The following TAFA1 variants were observed in gnomAD, a reference collection of about 807,000 sequenced individuals.
TAFA1 encodes the protein chemokine-like protein TAFA-1.
TAFA1 carries 4 observed loss-of-function variants against 18.5 expected under a neutral mutation model. The observed-to-expected ratio is 0.22, with a 90% CI of 0.11 to 0.49. The LOEUF (loss-of-function observed/expected upper bound fraction) is 0.49. Ranked by LOEUF, TAFA1 falls within the 20% of genes least tolerant of loss-of-function variation. The probability of loss-of-function intolerance (pLI) is 0.98; values close to 1 mark genes in which losing one functional copy is unlikely to be tolerated. For missense variants in TAFA1, 147 were observed against 169.0 expected (o/e 0.87, Z 0.72); for synonymous variants, 56 against 55.2 (o/e 1.01, Z -0.06).
intron 2 of TAFA1, among the ~76,000 whole-genome samples, chr3:68,155,720 C>T (rs192787101): frequency 8.5e-5 from 13 of 152,168 alleles, no homozygotes; most frequent in African/African-American, 2.4e-4. Context: ...TCACATGATA[C>T]GTGAAGATTG....
At chr3:68,517,849 A>G (rs1000181681) in intron 3 of TAFA1, among the ~76,000 whole-genome samples, 1 of 152,124 alleles carries the variant, frequency 6.6e-6, no homozygotes, top group Non-Finnish European at 1.5e-5. Flanking sequence ...TAGTTAATTA[A>G]GACTGTGGAC....
chr3:68,141,156 G>A (rs948372724), intron 2 of TAFA1, among the ~76,000 whole-genome samples: 4 of 152,080 alleles, frequency 2.6e-5, no homozygotes, highest in East Asian at 1.9e-4. Context: ...ATAACCAAAC[G>A]GGTGCCACGG....
At chr3:68,032,653 C>G (rs150395188) in intron 2 of TAFA1, among the ~76,000 whole-genome samples, 1 of 152,210 alleles carries the variant, frequency 6.6e-6, no homozygotes, top group Non-Finnish European at 1.5e-5. Flanking sequence ...ACTTCCCTTC[C>G]CACTCCTCCT....
intron 2 of TAFA1, among the ~76,000 whole-genome samples, chr3:68,281,326 G>C (rs932986043): frequency 5.9e-5 from 9 of 151,888 alleles, no homozygotes; most frequent in African/African-American, 1.9e-4. Context: ...TGTTTTTTTT[G>C]AGATTATCTT....
intron 2 of TAFA1, among the ~76,000 whole-genome samples, chr3:68,080,751 T>C (rs2064887458): frequency 6.6e-6 from 1 of 152,294 alleles, no homozygotes; most frequent in South Asian, 2.1e-4. Flanking sequence ...TAACATTTTT[T>C]CCTTCATTTC....
intron 2 of TAFA1, among the ~76,000 whole-genome samples, chr3:68,252,792 C>A (rs1469729372): frequency 6.6e-6 from 1 of 152,180 alleles, no homozygotes; most frequent in Non-Finnish European, 1.5e-5. Flanking sequence ...CCACCCAAAT[C>A]TCACTTTGAA....
intron 2 of TAFA1, among the ~76,000 whole-genome samples, chr3:68,398,197 A>G (rs1307546088): frequency 6.6e-6 from 1 of 152,224 alleles, no homozygotes; most frequent in Non-Finnish European, 1.5e-5. Flanking sequence ...TAACCAAAAC[A>G]GCATGGTACT....
chr3:68,396,804 C>T (rs1333621320), intron 2 of TAFA1, among the ~76,000 whole-genome samples: 1 of 152,174 alleles, frequency 6.6e-6, no homozygotes, highest in Admixed American at 6.5e-5. Context: ...TATTAAAATG[C>T]TGCTTTCATC....
intron 2 of TAFA1, among the ~76,000 whole-genome samples, chr3:68,210,216 A>G (rs2066579036): frequency 6.6e-6 from 1 of 152,054 alleles, no homozygotes; most frequent in South Asian, 2.1e-4. Context: ...CTAACTTATA[A>G]GGCTTCATCA....
chr3:68,003,425 G>A (rs752835185), upstream of TAFA1, among the ~76,000 whole-genome samples: 1 of 152,166 alleles, frequency 6.6e-6, no homozygotes, highest in South Asian at 2.1e-4. Flanking sequence ...ATCTATAACA[G>A]TGGGGATCTC....
intron 2 of TAFA1, among the ~76,000 whole-genome samples, chr3:68,190,615 G>A (rs2107011743): frequency 6.6e-6 from 1 of 151,872 alleles, no homozygotes; most frequent in Non-Finnish European, 1.5e-5. Context: ...GAACACTTGT[G>A]TTTTCAGCAG....
At chr3:68,195,113 T>A (rs551645112) in intron 2 of TAFA1, among the ~76,000 whole-genome samples, 2 of 151,574 alleles carry the variant, frequency 1.3e-5, no homozygotes, top group Non-Finnish European at 3.0e-5. Context: ...GTTGTGACTA[T>A]AGCCTTAAAT....
intron 2 of TAFA1, among the ~76,000 whole-genome samples, chr3:68,219,750 T>TA (rs1228431288): frequency 6.6e-6 from 1 of 152,176 alleles, no homozygotes; most frequent in African/African-American, 2.4e-5. Flanking sequence ...AAGGGAATGA[T>TA]ATCTCATTAT....
Position 68,281,471 on chromosome 3 carries a change from T to C in TAFA1, c.119-135809T>C, listed in dbSNP as rs1045137030. 5.4e-5 allele frequency among the ~76,000 whole-genome samples: 8 copies of C among 147,328 alleles called. No homozygotes were observed. In the East Asian group the frequency reaches 1.6e-3, roughly 29 times the overall value. ...GGCACCAGTTTCCACATTAACCTTT[T>C]TTTTTTTTTTTTTTTTGAGATGGAG... On this transcript the variant is annotated intron_variant, in intron 2 of 4. Coordinates refer to ENST00000478136, the MANE Select transcript of TAFA1 (RefSeq NM_213609.4).
chr3:68,336,677 T>G (rs1370032548), intron 2 of TAFA1, among the ~76,000 whole-genome samples: 1 of 152,216 alleles, frequency 6.6e-6, no homozygotes, highest in Non-Finnish European at 1.5e-5. Context: ...GGGCAGGATA[T>G]GCATTTTAAA....
At chr3:68,202,478 A>T (rs929897212) in intron 2 of TAFA1, among the ~76,000 whole-genome samples, 10 of 151,684 alleles carry the variant, frequency 6.6e-5, no homozygotes, top group African/African-American at 2.4e-4. Flanking sequence ...TTAATGATAC[A>T]TATTTTATAA....
At chr3:68,262,352 TA>T (rs2067451202) in intron 2 of TAFA1, among the ~76,000 whole-genome samples, 7 of 113,826 alleles carry the variant, frequency 6.1e-5, no homozygotes, top group African/African-American at 1.3e-4. Flanking sequence ...TATATATATA[TA>T]TATATTTCAT....
At chr3:68,099,301 A>C (rs1199408624) in intron 2 of TAFA1, among the ~76,000 whole-genome samples, 1 of 152,208 alleles carries the variant, frequency 6.6e-6, no homozygotes, top group Admixed American at 6.5e-5. Flanking sequence ...AACTTAATTC[A>C]ATAAGCAAAA....
intron 2 of TAFA1, among the ~76,000 whole-genome samples, chr3:68,308,433 G>T (rs1484250500): frequency 6.6e-6 from 1 of 151,956 alleles, no homozygotes; most frequent in Admixed American, 6.6e-5. Context: ...GCTATCTCTT[G>T]TACAGGTCTA....
Sources: gnomAD v4.1 joint callset for allele counts (sites outside exome capture counted in the v4.1 genomes callset) on GRCh38, gnomAD v4.1.1 for gene constraint, MANE v1.5 for transcripts, NCBI Gene and HGNC (gene_info 2026-07-23, HGNC 2026-07-21) for gene names.